RELN: variants seen among roughly 807,000 people sequenced by gnomAD.
The protein encoded by RELN is reelin.
Under a neutral mutation model 427.6 loss-of-function variants are expected in RELN, and 108 were observed. That is an observed-to-expected ratio of 0.25 (90% confidence interval 0.22 to 0.30). The LOEUF is 0.30. Ranked by LOEUF, RELN falls within the 10% of genes least tolerant of loss-of-function variation. The probability of loss-of-function intolerance (pLI) is 1.00; values close to 1 mark genes in which losing one functional copy is unlikely to be tolerated. For missense variants in RELN, 3,715 were observed against 4,302.8 expected (o/e 0.86, Z 3.82); for synonymous variants, 1,524 against 1,513.4 (o/e 1.01, Z -0.16).
intron 2 of RELN, among the ~76,000 whole-genome samples, chr7:103,877,935 G>A (rs71558656): frequency 0.15 from 21,627 of 147,524 alleles, 1,846 homozygotes; most frequent in East Asian, 0.35. Flanking sequence ...GGCTCACTGC[G>A]ACCTCTGCCT....
chr7:103,941,908 C>T (rs1468146887), intron 1 of RELN, among the ~76,000 whole-genome samples: 1 of 151,716 alleles, frequency 6.6e-6, no homozygotes, highest in Non-Finnish European at 1.5e-5. Context: ...TTAAATAAAG[C>T]TGACATGTAC....
chr7:103,764,751 G>A (rs1196991109), intron 4 of RELN, among the ~76,000 whole-genome samples: 1 of 150,158 alleles, frequency 6.7e-6, no homozygotes, highest in Non-Finnish European at 1.5e-5. Context: ...TAGGAGAATT[G>A]CTTGAACCTG....
At chr7:103,818,666 T>C (rs1792942197) in intron 3 of RELN, among the ~76,000 whole-genome samples, 1 of 152,134 alleles carries the variant, frequency 6.6e-6, no homozygotes, top group Non-Finnish European at 1.5e-5. Flanking sequence ...AGCTGTACAA[T>C]AGTGAGTATT....
At chr7:103,612,361 CG>C (rs1210822507) in intron 20 of RELN, among the ~76,000 whole-genome samples, 2 of 151,412 alleles carry the variant, frequency 1.3e-5, no homozygotes, top group Non-Finnish European at 2.9e-5. Flanking sequence ...CCGCAACCTC[CG>C]CCCCCCTGGT....
intron 11 of RELN, among the ~76,000 whole-genome samples, chr7:103,669,141 A>G (rs985749933): frequency 3.9e-5 from 6 of 152,110 alleles, no homozygotes; most frequent in African/African-American, 1.4e-4. Context: ...TTTTCTCTCA[A>G]TTAGGTTTTA....
intron 2 of RELN, among the ~76,000 whole-genome samples, chr7:103,862,934 T>G (rs1047058974): frequency 1.3e-5 from 2 of 152,090 alleles, no homozygotes; most frequent in African/African-American, 4.8e-5. Context: ...AGCCACATAT[T>G]GAAGAGTGAC....
chr7:103,655,450 C>G (rs922153501), intron 12 of RELN, among the ~76,000 whole-genome samples: 1 of 152,018 alleles, frequency 6.6e-6, no homozygotes, highest in Non-Finnish European at 1.5e-5. Context: ...CATCAACATT[C>G]TAGAATAAAA....
chr7:103,864,749 A>G lies in RELN; in HGVS notation c.338-31077T>C, dbSNP rs575815090. Among the ~76,000 whole-genome samples the G allele has an allele frequency of 3.3e-5, 5 of 152,276 alleles. No individual in the cohort carries two copies. In the South Asian group the frequency reaches 8.3e-4, roughly 25 times the overall value. Reference sequence around the variant, plus strand: ...AATAGAAAATAGAAAAACAATAGAAAAAAACAACAAAACTGAGTTTGGCTT... The same window carrying G: ...AATAGAAAATAGAAAAACAATAGAAGAAAACAACAAAACTGAGTTTGGCTT... On this transcript the variant is annotated intron_variant, in intron 2 of 64. Coordinates refer to ENST00000428762, the MANE Select transcript of RELN (RefSeq NM_005045.4).
intron 1 of RELN, among the ~76,000 whole-genome samples, chr7:103,925,837 C>T (rs1795719305): frequency 6.6e-6 from 1 of 152,120 alleles, no homozygotes; most frequent in Non-Finnish European, 1.5e-5. Context: ...TAAGCACATA[C>T]ACAGGTGAAT....
intron 2 of RELN, among the ~76,000 whole-genome samples, chr7:103,839,233 C>T (rs1027690795): frequency 7.9e-5 from 12 of 151,876 alleles, no homozygotes; most frequent in African/African-American, 2.7e-4. Flanking sequence ...AATCCTAAAA[C>T]CATCCCAAAC....
chr7:103,682,017 T>C (rs1390563508), intron 11 of RELN, 99 bp downstream of exon 11: 2 of 1,149,914 alleles, frequency 1.7e-6, no homozygotes, highest in African/African-American at 3.0e-5. Flanking sequence ...AGTATTGATC[T>C]AAGTATGCTT....
In RELN at chr7:103,989,356, T is replaced by TGCC. The variant is rs55656324; in HGVS notation, c.-3_-1dup. 8,923 of 1,316,650 alleles carry TGCC rather than the reference T, an allele frequency of 6.8e-3. 23 individuals carry two copies. Among genetic ancestry groups the TGCC allele is most frequent in the South Asian group, 0.025 (1,283 of 51,110 alleles). 81.6% of individuals were successfully genotyped at this position (1,316,650 alleles called of 1,614,324 possible). On this transcript the variant is annotated 5_prime_UTR_variant, in exon 1 of 65. Transcript: ENST00000428762. This position sits in a 1 kb window ranked among gnomAD's most constrained non-coding sequence, Gnocchi z 4.9. ...TGCCGGGCCCAGCCACTGCGCTCCA[T>TGCC]GCCGCCGCCGCCGCCGCCGCCGCCG...
intron 6 of RELN, among the ~76,000 whole-genome samples, chr7:103,731,307 C>T (rs1021336027): frequency 2.0e-5 from 3 of 152,042 alleles, no homozygotes; most frequent in African/African-American, 7.2e-5. Context: ...CACAGCTGAA[C>T]TGTTAGTTCA....
intron 1 of RELN, among the ~76,000 whole-genome samples, chr7:103,925,974 GTTTTT>G (rs899156795): frequency 2.0e-5 from 3 of 150,518 alleles, no homozygotes; most frequent in Non-Finnish European, 4.4e-5. Context: ...TTTCTATTAT[GTTTTT>G]TTTACGTTGT....
intron 6 of RELN, among the ~76,000 whole-genome samples, chr7:103,738,609 C>T (rs1790554740): frequency 6.6e-6 from 1 of 150,698 alleles, no homozygotes; most frequent in African/African-American, 2.4e-5. Context: ...TTAACTTTGC[C>T]TAATCTGGAT....
At chr7:103,691,152 C>G (rs17154340) in intron 10 of RELN, among the ~76,000 whole-genome samples, 16,105 of 152,100 alleles carry the variant, frequency 0.11, 991 homozygotes, top group African/African-American at 0.17. Context: ...TCTACCAACC[C>G]AGGGCTGACT....
rs75350418 is a variant in RELN, at chr7:103,927,690, A to G, written c.227-10505T>C. ...TATTTTACAGCATGGCACTTAGTAC[A>G]ATGAGTCTTAAAATTTCTTAAAATA... is the stretch of plus-strand genomic sequence containing the variant. On this transcript the variant is annotated intron_variant, in intron 1 of 64. Transcript: ENST00000428762. Among the ~76,000 whole-genome samples, 1,178 of 152,286 alleles carry G rather than the reference A, an allele frequency of 7.7e-3. 12 individuals are homozygous for G. The highest frequency in any genetic ancestry group is 0.024 in the African/African-American group (1,005 of 41,578).
intron 12 of RELN, among the ~76,000 whole-genome samples, chr7:103,656,792 C>T (rs1833032034): frequency 6.6e-6 from 1 of 151,890 alleles, no homozygotes; most frequent in Non-Finnish European, 1.5e-5. Context: ...GGTAAAAATG[C>T]CTACTTTTCA....
chr7:103,650,035 A>G (rs1277452693), intron 16 of RELN, among the ~76,000 whole-genome samples: 1 of 149,556 alleles, frequency 6.7e-6, no homozygotes, highest in Non-Finnish European at 1.5e-5. Flanking sequence ...TGCATTTTTT[A>G]TTTATGTATG....
Sources: gnomAD v4.1 joint callset for allele counts (sites outside exome capture counted in the v4.1 genomes callset) on GRCh38, gnomAD v4.1.1 for gene constraint, Gnocchi (gnomAD v3.1) non-coding constraint, MANE v1.5 for transcripts, NCBI Gene and HGNC (gene_info 2026-07-23, HGNC 2026-07-21) for gene names.